TSPAN7: variants seen among roughly 807,000 people sequenced by gnomAD.
TSPAN7 encodes the protein tetraspanin 7, also known as tetraspanin-7.
Under a neutral mutation model 17.6 loss-of-function variants are expected in TSPAN7, and 1 was observed. The ratio of observed to expected loss-of-function variants is 0.06; its 90% confidence interval spans 0.02 to 0.27. TSPAN7 has a LOEUF of 0.27. Ranked by LOEUF, TSPAN7 falls within the 10% of genes least tolerant of loss-of-function variation. TSPAN7 has a pLI of 1.00. For synonymous variants in TSPAN7, 78 were observed against 79.0 expected, an observed-to-expected ratio of 0.99 and a Z score of 0.07; for missense variants, 112 against 201.7, an observed-to-expected ratio of 0.56 and a Z score of 2.69.
chrX:38,583,682 T>C (rs1275120428), intron 1 of TSPAN7, among the ~76,000 whole-genome samples: 2 of 111,686 alleles, frequency 1.8e-5, no homozygotes, highest in Non-Finnish European at 3.8e-5. Context: ...GGAGTTGACA[T>C]TTGAGCTGAG....
intron 6 of TSPAN7, among the ~76,000 whole-genome samples, chrX:38,681,761 A>G (rs1166710902): frequency 1.8e-5 from 2 of 112,044 alleles, no homozygotes; most frequent in Non-Finnish European, 3.8e-5. Context: ...TTTAATTTCT[A>G]AGTTTGGCTA....
chrX:38,568,303 T>G (rs2069153790), intron 1 of TSPAN7, among the ~76,000 whole-genome samples: 1 of 109,986 alleles, frequency 9.1e-6, no homozygotes, highest in Non-Finnish European at 1.9e-5. Flanking sequence ...GGTGTTTTTT[T>G]TTTTTTCATT....
chrX:38,674,311 C>T lies in TSPAN7; in HGVS notation c.436C>T (p.Arg146Cys), dbSNP rs2069839651. 6 of 1,186,560 alleles carry T rather than the reference C, an allele frequency of 5.1e-6. No homozygotes were observed. Among genetic ancestry groups the T allele is most frequent in the African/African-American group, 1.7e-5 (1 of 57,157 alleles). ...GAGCCGGGCAGTGGACCATGTGCAG[C>T]GCAGCGTAAGTTCCAGAGGAGATGA... ...ERSRAVDHVQ[R>C]SLSCCGVQNY... The change falls in exon 4 of 8, where the codon CGC becomes TGC. Residue 146 changes from arginine (R) to cysteine (C), a missense_variant. Physicochemically the swap from Arg to Cys is radical, Grantham distance 180 (BLOSUM62 -3). Transcript: ENST00000378482.
Position 38,681,266 on chromosome X carries a change from G to A in TSPAN7, c.660G>A (p.Ala220=), listed in dbSNP as rs763482838. 3.6e-5 allele frequency: 44 copies of A among 1,208,789 alleles called. No homozygotes were observed. Among genetic ancestry groups the A allele is most frequent in the South Asian group, 1.9e-4 (11 of 56,871 alleles). Reference sequence around the variant, plus strand: ...ACATGGGAATCATCGCTGGAGTGGCGTTTGGAATCGCATTCTCCCAGGTAG... The same window carrying A: ...ACATGGGAATCATCGCTGGAGTGGCATTTGGAATCGCATTCTCCCAGGTAG... ...ETNMGIIAGV[A]FGIAFSQLIG... Residue 220 remains alanine (A), a synonymous_variant, in exon 6 of 8, where the codon GCG becomes GCA. Coordinates refer to ENST00000378482, the MANE Select transcript of TSPAN7 (RefSeq NM_004615.4).
intron 1 of TSPAN7, among the ~76,000 whole-genome samples, chrX:38,665,426 C>G (rs774817827): frequency 2.7e-5 from 3 of 111,391 alleles, no homozygotes; most frequent in African/African-American, 9.8e-5. Context: ...AGTATGCACC[C>G]TGGAATCTAT....
chrX:38,687,710 TC>T (rs1356757906), intron 7 of TSPAN7, 36 bp downstream of exon 7: 1 of 1,142,040 alleles, frequency 8.8e-7, no homozygotes, highest in African/African-American at 1.8e-5. Context: ...TTTTGAGGGG[TC>T]CCCTTTGGGA....
In TSPAN7 at chrX:38,660,025, C is replaced by T. The variant is rs191427097; in HGVS notation, c.82-6096C>T. Among the ~76,000 whole-genome samples, 10 of 108,798 alleles carry T rather than the reference C, an allele frequency of 9.2e-5. No homozygotes were observed. The East Asian group carries it at 2.9e-3, about 31-fold the overall frequency. The allele number at this position is 108,798 out of a possible 115,157, so 94.5% of individuals were successfully genotyped here. A position where few individuals can be genotyped will look rare whatever the true frequency, so the allele number is the denominator to read the frequency against. Reference sequence around the variant, plus strand: ...TATTTTTAGTAGAGATGGGGTTTCACCATGTTGGCCAGGCTGGTCTCGAAC... The same window carrying T: ...TATTTTTAGTAGAGATGGGGTTTCATCATGTTGGCCAGGCTGGTCTCGAAC... On this transcript the variant is annotated intron_variant, in intron 1 of 7. Transcript: ENST00000378482.
intron 1 of TSPAN7, chrX:38,656,114 T>C: frequency 3.7e-6 from 1 of 273,766 alleles, no homozygotes; most frequent in South Asian, 3.9e-5. Flanking sequence ...TGATGGATAT[T>C]AGGACAGAAT....
intron 1 of TSPAN7, among the ~76,000 whole-genome samples, chrX:38,614,908 C>CT (rs1226424756): frequency 1.8e-5 from 2 of 111,868 alleles, no homozygotes; most frequent in African/African-American, 3.2e-5. Context: ...GAGAGTTTTG[C>CT]TTTTTTTGCA....
chrX:38,569,450 C>G (rs1261801541), intron 1 of TSPAN7, among the ~76,000 whole-genome samples: 3 of 94,373 alleles, frequency 3.2e-5, no homozygotes, highest in East Asian at 6.8e-4. Context: ...AATATCTGAA[C>G]CTATAGTAGA....
chrX:38,594,603 A>G (rs1379443187), intron 1 of TSPAN7, among the ~76,000 whole-genome samples: 2 of 112,002 alleles, frequency 1.8e-5, no homozygotes, highest in Non-Finnish European at 3.8e-5. Context: ...TGCACAAATG[A>G]GAAGATACAT....
chrX:38,578,795 C>T (rs1205567987), intron 1 of TSPAN7, among the ~76,000 whole-genome samples: 1 of 111,174 alleles, frequency 9.0e-6, no homozygotes, highest in Non-Finnish European at 1.9e-5. Context: ...GTACTAAAAA[C>T]GCTGTTCAAA....
intron 1 of TSPAN7, among the ~76,000 whole-genome samples, chrX:38,640,748 T>G (rs2147434910): frequency 8.9e-6 from 1 of 112,434 alleles, no homozygotes; most frequent in South Asian, 3.7e-4. Context: ...TTATAAGAAG[T>G]CTGGCATTTA....
chrX:38,583,949 C>CTTTTTTTTTTTTTTTTTTTTTTTTT (rs34777484), intron 1 of TSPAN7, among the ~76,000 whole-genome samples: 3 of 66,972 alleles, frequency 4.5e-5, no homozygotes, highest in African/African-American at 6.1e-5. Context: ...TTTTTCTTTT[C>CTTTTTTTTTTTTTTTTTTTTTTTTT]TTTTTTTTTT....
At chrX:38,653,782 A>G (rs1407637560) in intron 1 of TSPAN7, among the ~76,000 whole-genome samples, 1 of 111,968 alleles carries the variant, frequency 8.9e-6, no homozygotes, top group African/African-American at 3.2e-5. Context: ...TTTTTTTATT[A>G]TACTTTAAGT....
intron 1 of TSPAN7, among the ~76,000 whole-genome samples, chrX:38,611,616 C>T (rs1311547104): frequency 9.0e-6 from 1 of 111,205 alleles, no homozygotes; most frequent in African/African-American, 3.3e-5. Context: ...CTGTCTTGGG[C>T]CATATTAAAG....
intron 1 of TSPAN7, among the ~76,000 whole-genome samples, chrX:38,596,349 A>G (rs1048454259): frequency 3.6e-5 from 4 of 111,693 alleles, no homozygotes; most frequent in African/African-American, 1.3e-4. Context: ...CAGTATTGAG[A>G]TCCTAATTAC....
At chrX:38,653,495 G>A (rs1166354903) in intron 1 of TSPAN7, among the ~76,000 whole-genome samples, 2 of 111,699 alleles carry the variant, frequency 1.8e-5, no homozygotes, top group Admixed American at 9.5e-5. Context: ...TTAAGCTTTC[G>A]TTCTAGAATG....
At chrX:38,682,270 T>C (rs773664353) in intron 6 of TSPAN7, among the ~76,000 whole-genome samples, 6 of 112,503 alleles carry the variant, frequency 5.3e-5, no homozygotes, top group Non-Finnish European at 7.5e-5. Context: ...CAGACTCTAA[T>C]TACTTTTTCC....
Sources: gnomAD v4.1 joint callset for allele counts (sites outside exome capture counted in the v4.1 genomes callset) on GRCh38, gnomAD v4.1.1 for gene constraint, MANE v1.5 for transcripts, NCBI Gene and HGNC (gene_info 2026-07-23, HGNC 2026-07-21) for gene names.